The following COL4A6 variants were observed in gnomAD, a reference collection of about 807,000 sequenced individuals.
COL4A6 encodes collagen type IV alpha 6 chain, also known as collagen alpha-6(IV) chain.
A neutral mutation model predicts 126.7 loss-of-function variants in COL4A6; 59 were observed. That is an observed-to-expected ratio of 0.47 (90% CI 0.38 to 0.58). The LOEUF (loss-of-function observed/expected upper bound fraction) is 0.58, where lower values mean the gene tolerates loss of function less well. COL4A6 is among the 20% of genes least tolerant of loss of function. The pLI is 0.00. For synonymous variants in COL4A6, 547 were observed against 496.6 expected (o/e 1.10, Z -1.35); for missense variants, 1,285 against 1,337.3 (o/e 0.96, Z 0.61).
At chrX:108,351,436 C>CTGTGTGTGTGTGTGTGTGTGTGTG (rs1336858729) in intron 2 of COL4A6, among the ~76,000 whole-genome samples, 1 of 82,246 alleles carries the variant, frequency 1.2e-5, no homozygotes, top group African/African-American at 5.0e-5. Context: ...AGGTAACTCT[C>CTGTGTGTGTGTGTGTGTGTGTGTG]TCTCTCTGTG....
At chrX:108,177,064 A>C (rs756622008) in intron 27 of COL4A6, 53 bp from the exon 28 acceptor site, 264 of 1,103,969 alleles carry the variant, frequency 2.4e-4, no homozygotes, top group Non-Finnish European at 3.0e-4. Context: ...GGCTCTGGCC[A>C]GATCTGGGCC....
chrX:108,157,158 G>A lies in COL4A6; in HGVS notation c.4915C>T (p.Arg1639Ter), dbSNP rs773604789. Reference protein sequence around the residue: ...ATPFIECSGARGTCHYFANKY... With the variant: ...ATPFIECSGA ...TTTGCAAAGTAGTGGCAGGTGCCTC[G>A]GGCACCACTGCATTCGATGAAAGGA... The change falls in exon 45 of 45, where the codon CGA becomes TGA. Residue 1639 changes from arginine (R) to a stop codon, truncating the protein, a stop_gained. Transcript: ENST00000334504. LOFTEE classifies it high-confidence loss of function. The A allele has an allele frequency of 1.7e-6, 2 of 1,211,786 alleles. No individual in the cohort carries two copies. Among genetic ancestry groups the A allele is most frequent in the Non-Finnish European group, 1.1e-6 (1 of 895,416 alleles).
intron 2 of COL4A6, among the ~76,000 whole-genome samples, chrX:108,387,542 T>C (rs2040729787): frequency 1.8e-5 from 2 of 111,919 alleles, no homozygotes; most frequent in African/African-American, 6.5e-5. Flanking sequence ...ACAGGAATGC[T>C]TGTGATTTTT....
chrX:108,322,049 G>A lies in COL4A6; in HGVS notation c.64-11221C>T, dbSNP rs139639601. Among the ~76,000 whole-genome samples, 673 of 111,291 alleles carry A rather than the reference G, an allele frequency of 6.0e-3. 2 individuals are homozygous for A. The highest frequency in any genetic ancestry group is 0.035 in the East Asian group (122 of 3,528). On this transcript the variant is annotated intron_variant, in intron 2 of 44. Coordinates refer to ENST00000334504, the MANE Select transcript of COL4A6 (RefSeq NM_033641.4). ...GAGCTCTTCCCTTAAACTAGGCCCC[G>A]TTTAACATCACCCTACGTTTATGAA...
At position 108,163,013 on chromosome X, in the gene COL4A6, A is replaced by G. The variant is rs1445751884; in HGVS notation, c.4095T>C (p.Pro1365=). The G allele has an allele frequency of 8.3e-7, 1 of 1,198,053 alleles. No homozygotes were observed. The highest frequency in any genetic ancestry group is 1.1e-6 in the Non-Finnish European group (1 of 890,710). The stretch of plus-strand genomic sequence containing the variant: ...CAGCTTCTGCAGTTGGTGTTTGTCC[A>G]GGATCACCTTGGAGGCCAGAAGAGC... ...PRGSSGLQGD[P]GQTPTAEAVQ... is the part of the protein sequence containing the mutation. The change falls in exon 41 of 45, where the codon CCT becomes CCC. Residue 1365 remains proline, a synonymous_variant. Coordinates refer to ENST00000334504, the MANE Select transcript of COL4A6 (RefSeq NM_033641.4).
At chrX:108,167,954 C>T (rs1193149543) in intron 37 of COL4A6, among the ~76,000 whole-genome samples, 1 of 111,735 alleles carries the variant, frequency 8.9e-6, no homozygotes, top group Non-Finnish European at 1.9e-5. Flanking sequence ...TTTTGTTCAT[C>T]ATCCTCTTCC....
chrX:108,225,153 G>A (rs1038171032), intron 3 of COL4A6, among the ~76,000 whole-genome samples: 6 of 111,999 alleles, frequency 5.4e-5, no homozygotes, highest in African/African-American at 1.9e-4. Flanking sequence ...CCAGTATGTG[G>A]CTGTTTCCCT....
chrX:108,354,762 T>G (rs2039922179), intron 2 of COL4A6, among the ~76,000 whole-genome samples: 1 of 110,683 alleles, frequency 9.0e-6, no homozygotes, highest in East Asian at 2.8e-4. Flanking sequence ...AAGAAAAACA[T>G]GTCATCTCTA....
At chrX:108,267,552 T>C (rs977268301) in intron 3 of COL4A6, 1 of 112,784 alleles carries the variant, frequency 8.9e-6, no homozygotes, top group African/African-American at 3.2e-5. Context: ...GAAGCTTTCT[T>C]GAATAGCCCT....
At chrX:108,208,487 C>T (rs2035611901) in intron 8 of COL4A6, among the ~76,000 whole-genome samples, 1 of 112,140 alleles carries the variant, frequency 8.9e-6, no homozygotes, top group Admixed American at 9.4e-5. Flanking sequence ...ACAGTGTTCA[C>T]TGTAATTACA....
intron 2 of COL4A6, among the ~76,000 whole-genome samples, chrX:108,322,295 T>C: frequency 8.9e-6 from 1 of 111,904 alleles, no homozygotes. Flanking sequence ...TATGAGTTTA[T>C]GAATGAAAGA....
intron 5 of COL4A6, among the ~76,000 whole-genome samples, chrX:108,216,754 C>A (rs1303641965): frequency 8.9e-6 from 1 of 112,749 alleles, no homozygotes; most frequent in East Asian, 2.8e-4. Flanking sequence ...TCCAGAAAAG[C>A]TAAAGCAATG....
At chrX:108,275,478 C>G (rs1005744300) in intron 3 of COL4A6, among the ~76,000 whole-genome samples, 2 of 112,480 alleles carry the variant, frequency 1.8e-5, no homozygotes, top group Admixed American at 9.4e-5. Flanking sequence ...GCCCATTGCT[C>G]TATCCTGTAT....
chrX:108,330,143 C>T (rs1341481538), intron 2 of COL4A6, among the ~76,000 whole-genome samples: 2 of 110,409 alleles, frequency 1.8e-5, no homozygotes, highest in East Asian at 5.7e-4. Context: ...GAAAGAGTTC[C>T]GGGAAAAAGC....
At chrX:108,226,385 T>G (rs948873491) in intron 3 of COL4A6, among the ~76,000 whole-genome samples, 1 of 111,557 alleles carries the variant, frequency 9.0e-6, no homozygotes, top group Admixed American at 9.5e-5. Flanking sequence ...TGCTTGGGAA[T>G]AGATGAGCAT....
At chrX:108,220,146 G>A (rs1288658989) in intron 4 of COL4A6, among the ~76,000 whole-genome samples, 3 of 111,649 alleles carry the variant, frequency 2.7e-5, no homozygotes, top group Non-Finnish European at 5.7e-5. Flanking sequence ...GCTTATCCTG[G>A]AATAGCAGTT....
chrX:108,405,201 G>GT (rs962511261), intron 2 of COL4A6, among the ~76,000 whole-genome samples: 73 of 103,674 alleles, frequency 7.0e-4, no homozygotes, highest in African/African-American at 8.0e-4. Context: ...TTTTGTTTTT[G>GT]TTTTTTTTTT....
At chrX:108,327,644 G>C (rs1017588218) in intron 2 of COL4A6, among the ~76,000 whole-genome samples, 2 of 109,966 alleles carry the variant, frequency 1.8e-5, no homozygotes, top group Admixed American at 1.9e-4. Flanking sequence ...AAGGATGGGG[G>C]GTGGCAGAGA....
chrX:108,416,581 A>G (rs942568008), intron 2 of COL4A6, among the ~76,000 whole-genome samples: 1 of 112,315 alleles, frequency 8.9e-6, no homozygotes, highest in African/African-American at 3.2e-5. Flanking sequence ...ACTTTTAGAC[A>G]GTGTGTGATC....
Sources: allele counts gnomAD v4.1 joint callset (sites outside exome capture counted in the v4.1 genomes callset), GRCh38; gene constraint gnomAD v4.1.1; transcripts MANE v1.5; gene names NCBI Gene and HGNC (gene_info 2026-07-23, HGNC 2026-07-21).